The following ZNF561 variants were observed in gnomAD, a reference collection of about 807,000 sequenced individuals.
ZNF561 encodes zinc finger protein 561.
ZNF561 carries 16 observed loss-of-function variants against 16.7 expected under a neutral mutation model. The observed-to-expected ratio is 0.96, with a 90% CI of 0.65 to 1.45. ZNF561 has a LOEUF of 1.45. Ranked by LOEUF, ZNF561 falls within the 40% of genes most tolerant of loss-of-function variation. The pLI is 0.00. For missense variants in ZNF561, 580 were observed against 578.0 expected, an observed-to-expected ratio of 1.00 and a Z score of -0.04; for synonymous variants, 190 against 192.1, an observed-to-expected ratio of 0.99 and a Z score of 0.09.
In ZNF561 at chr19:9,610,362, G is replaced by C; in HGVS notation, c.1299C>G (p.Ser433=). ...TTCGCAGGTGAACATTAAGGCGTGA[G>C]GAATATAGAAATGCTTTCCCACATA... is the stretch of plus-strand genomic sequence containing the variant. ...CKICGKAFLY[S]SRLNVHLRTH... The change falls in exon 6 of 6, where the codon TCC becomes TCG. Residue 433 remains serine, a synonymous_variant. Coordinates refer to ENST00000302851, the MANE Select transcript of ZNF561 (RefSeq NM_152289.3). The C allele has an allele frequency of 6.2e-7, 1 of 1,614,132 alleles. No individual in the cohort carries two copies.
chr19:9,611,720 CA>C (rs1277410206), intron 5 of ZNF561, among the ~76,000 whole-genome samples: 2 of 152,126 alleles, frequency 1.3e-5, no homozygotes, highest in Non-Finnish European at 2.9e-5. Flanking sequence ...GGTGATATTA[CA>C]GGCATGACCC....
chr19:9,617,769 C>A (rs1348316680), intron 3 of ZNF561: 2 of 464,500 alleles, frequency 4.3e-6, no homozygotes, highest in South Asian at 3.1e-5. Context: ...CTGATAAATG[C>A]TGATAAGTGA....
At chr19:9,616,521 T>A (rs879854866) in intron 4 of ZNF561, among the ~76,000 whole-genome samples, 14 of 152,096 alleles carry the variant, frequency 9.2e-5, no homozygotes, top group Non-Finnish European at 1.3e-4. Context: ...CCGCATGTGA[T>A]CTGCCCGCCT....
intron 3 of ZNF561, 61 bp downstream of exon 3, chr19:9,618,030 A>T: frequency 6.9e-7 from 1 of 1,449,824 alleles, no homozygotes; most frequent in Non-Finnish European, 9.5e-7. Flanking sequence ...TCTAGAAAGA[A>T]ATCTGTCTAC....
chr19:9,620,177 C>T (rs2074644459), intron 1 of ZNF561, among the ~76,000 whole-genome samples: 1 of 152,154 alleles, frequency 6.6e-6, no homozygotes, highest in African/African-American at 2.4e-5. Flanking sequence ...GCAACCTCTG[C>T]CTCCCAGGTG....
At chr19:9,617,857 C>T (rs1160394570) in intron 3 of ZNF561, 8 of 563,932 alleles carry the variant, frequency 1.4e-5, no homozygotes, top group East Asian at 1.2e-4. Context: ...ATGCAGTTGG[C>T]ACCATGAAGG....
chr19:9,615,709 C>G (rs981057000), intron 4 of ZNF561, among the ~76,000 whole-genome samples: 7 of 150,312 alleles, frequency 4.7e-5, no homozygotes, highest in African/African-American at 1.7e-4. Context: ...AGTTCAAGAC[C>G]GGGCTGGCCA....
chr19:9,607,551 AAAAAT>A lies in ZNF561; in HGVS notation c.*2644_*2648del, dbSNP rs1200914806. On this transcript the variant is annotated 3_prime_UTR_variant, in exon 6 of 6. Coordinates refer to ENST00000302851, the MANE Select transcript of ZNF561 (RefSeq NM_152289.3). Reference sequence around the variant, plus strand: ...TTCCTGTAAGAGATTAGCCTCTTCAAAAAATAAAATAAAAACCTACAGCCAAGCCA... The same window carrying A: ...TTCCTGTAAGAGATTAGCCTCTTCAAAAAATAAAAACCTACAGCCAAGCCA... 3.3e-5 allele frequency: 5 copies of A among 152,338 alleles called. No homozygotes were observed. The highest frequency in any genetic ancestry group is 1.2e-4 in the African/African-American group (5 of 41,596). The allele number at this position is 152,338 out of a possible 1,614,324, so 9.4% of individuals were successfully genotyped here.
intron 4 of ZNF561, among the ~76,000 whole-genome samples, chr19:9,614,713 G>A (rs2074523184): frequency 6.6e-6 from 1 of 152,038 alleles, no homozygotes. Flanking sequence ...AGTTAACAAA[G>A]AAACAGAACA....
At chr19:9,620,413 A>C (rs1052340923) in intron 1 of ZNF561, among the ~76,000 whole-genome samples, 1 of 152,156 alleles carries the variant, frequency 6.6e-6, no homozygotes, top group African/African-American at 2.4e-5. Flanking sequence ...TTTAGTAGAG[A>C]CAAGTTTTCA....
In ZNF561 at chr19:9,609,853, TA is replaced by T. The variant is rs1416351735; in HGVS notation, c.*346del. Reference sequence around the variant, plus strand: ...GGTCCTACATCATCTTGGCTTCTGGTAAATTTTGACATAAATGTGCCACACT... The same window carrying T: ...GGTCCTACATCATCTTGGCTTCTGGTAATTTTGACATAAATGTGCCACACT... On this transcript the variant is annotated 3_prime_UTR_variant, in exon 6 of 6. Transcript: ENST00000302851. The T allele has an allele frequency of 2.7e-5, 5 of 186,468 alleles. No homozygotes were observed. The highest frequency in any genetic ancestry group is 1.2e-4 in the African/African-American group (5 of 42,548). The allele number at this position is 186,468 out of a possible 1,614,324, so 11.6% of individuals were successfully genotyped here. A position where few individuals can be genotyped will look rare whatever the true frequency, so the allele number is the denominator to read the frequency against.
At position 9,610,470 on chromosome 19, in the gene ZNF561, T is replaced by C; in HGVS notation, c.1191A>G (p.Glu397=). 6.2e-7 allele frequency: 1 copy of C among 1,612,796 alleles called. No homozygotes were observed. Reference sequence around the variant, plus strand: ...AAGAAGTAATGAAGGTCTTCCCACATTCAACACATTCATAAGGCTTCTCTC... The same window carrying C: ...AAGAAGTAATGAAGGTCTTCCCACACTCAACACATTCATAAGGCTTCTCTC... ...HTGEKPYECV[E]CGKTFITSSR... is the part of the protein sequence containing the mutation. Residue 397 remains glutamate, a synonymous_variant, in exon 6 of 6, where the codon GAA becomes GAG. Coordinates refer to ENST00000302851, the MANE Select transcript of ZNF561 (RefSeq NM_152289.3).
chr19:9,610,916 C>G lies in ZNF561; in HGVS notation c.745G>C (p.Gly249Arg). ...TTCTTAGTCTTTTTGGATTTCTTTC[C>G]TGTATGAACTGCTACACACTGCTTT... ...HLKQCVAVHT[G>R]KKSKKTKKCG... is the part of the protein sequence containing the mutation. Residue 249 changes from glycine (G) to arginine (R), a missense_variant, in exon 6 of 6, where the codon GGA becomes CGA. By Grantham distance (125) the Gly-to-Arg change is moderately radical. Transcript: ENST00000302851. 6.2e-7 allele frequency: 1 copy of G among 1,614,112 alleles called. No individual in the cohort carries two copies. The highest frequency in any genetic ancestry group is 8.5e-7 in the Non-Finnish European group (1 of 1,180,020).
At chr19:9,617,321 G>A in intron 3 of ZNF561, 150 bp from the exon 4 acceptor site, 1 of 1,312,996 alleles carries the variant, frequency 7.6e-7, no homozygotes, top group South Asian at 2.7e-5. Flanking sequence ...AGGAGCTCTT[G>A]TGTCTAAACA....
At chr19:9,617,404 G>T (rs1296470990) in intron 3 of ZNF561, 3 of 923,586 alleles carry the variant, frequency 3.2e-6, no homozygotes, top group Non-Finnish European at 1.4e-6. Context: ...TTTTTTTGCT[G>T]ATCTATTTTT....
chr19:9,617,002 C>T, intron 4 of ZNF561, 43 bp downstream of exon 4: 1 of 1,574,378 alleles, frequency 6.4e-7, no homozygotes, highest in Non-Finnish European at 8.7e-7. Flanking sequence ...TCTGGGACTA[C>T]AGGTGCAGGC....
chr19:9,612,408 T>C (rs118124831), intron 5 of ZNF561, among the ~76,000 whole-genome samples: 5,005 of 151,756 alleles, frequency 0.033, 128 homozygotes, highest in South Asian at 0.11. Context: ...TTTGTAGAGA[T>C]GGGGTTTCCC....
chr19:9,619,907 C>CTA lies in ZNF561; in HGVS notation c.-126-327_-126-326dup, dbSNP rs1344538974. Among the ~76,000 whole-genome samples the CTA allele has an allele frequency of 6.4e-5, 9 of 141,040 alleles. 1 individual carries two copies. Among genetic ancestry groups the CTA allele is most frequent in the African/African-American group, 2.6e-4 (9 of 34,956 alleles). The allele number at this position is 141,040 out of a possible 152,430, so 92.5% of individuals were successfully genotyped here. A position where few individuals can be genotyped will look rare whatever the true frequency, so the allele number is the denominator to read the frequency against. On this transcript the variant is annotated intron_variant, in intron 1 of 5. Transcript: ENST00000302851. The stretch of plus-strand genomic sequence containing the variant: ...TATCTATATATCTATCTATATCTAT[C>CTA]TATCTATATCTATCCTATCTATCTA...
At position 9,619,514 on chromosome 19, in the gene ZNF561, A is replaced by T. The variant is rs752112130; in HGVS notation, c.-58T>A. The T allele has an allele frequency of 6.3e-7, 1 of 1,597,034 alleles. No individual in the cohort carries two copies. Among genetic ancestry groups the T allele is most frequent in the Non-Finnish European group, 8.6e-7 (1 of 1,166,356 alleles). ...CCTTCCTTGATGCCAAGATCACCTCAGGCCAGCTTATGAATCTAGGTGGAT... is the reference window on the plus strand; with the variant it reads ...CCTTCCTTGATGCCAAGATCACCTCTGGCCAGCTTATGAATCTAGGTGGAT... On this transcript the variant is annotated 5_prime_UTR_variant, in exon 2 of 6. Transcript: ENST00000302851.
Sources: allele counts gnomAD v4.1 joint callset (sites outside exome capture counted in the v4.1 genomes callset), GRCh38; gene constraint gnomAD v4.1.1; transcripts MANE v1.5; gene names NCBI Gene and HGNC (gene_info 2026-07-23, HGNC 2026-07-21).